Variants in HDAC9 observed in about 807,000 individuals in gnomAD.
HDAC9 encodes MEF-2 interacting transcription repressor (MITR) protein.
A neutral mutation model predicts 139.4 loss-of-function variants in HDAC9; 41 were observed. The observed-to-expected ratio is 0.29, with a 90% CI of 0.23 to 0.38. HDAC9 has a LOEUF of 0.38. Ranked by LOEUF, HDAC9 falls within the 10% of genes least tolerant of loss-of-function variation. The pLI is 1.00. For missense variants in HDAC9, 1,147 were observed against 1,297.0 expected (o/e 0.88, Z 1.78); for synonymous variants, 517 against 476.2 (o/e 1.09, Z -1.12).
In HDAC9 at chr7:18,639,629, A is replaced by G. The variant is rs1035203070; in HGVS notation, c.912+4887A>G. Among the ~76,000 whole-genome samples the G allele has an allele frequency of 2.6e-5, 4 of 152,210 alleles. No individual in the cohort carries two copies. In the South Asian group the frequency reaches 8.3e-4, roughly 32 times the overall value. ...TATGAGCTATCTGAAAGAAGAGTAG[A>G]AAATAAATACAATCTTGAAAAATCC... On this transcript the variant is annotated intron_variant, in intron 8 of 25. Transcript: ENST00000686413.
chr7:18,815,436 A>T (rs1216489486), intron 17 of HDAC9, among the ~76,000 whole-genome samples: 2 of 152,222 alleles, frequency 1.3e-5, no homozygotes, highest in South Asian at 2.1e-4. Flanking sequence ...CCCCCGTCAC[A>T]ACAAGACTTT....
chr7:18,762,049 C>T, intron 14 of HDAC9, 108 bp from the exon 15 acceptor site: 1 of 1,168,012 alleles, frequency 8.6e-7, no homozygotes. Context: ...CACATTCCTA[C>T]ATGATGAAAT....
chr7:18,391,307 C>T (rs1427507128), intron 1 of HDAC9, among the ~76,000 whole-genome samples: 1 of 152,054 alleles, frequency 6.6e-6, no homozygotes, highest in Non-Finnish European at 1.5e-5. Context: ...ATCACTGGAA[C>T]CCGGAAGGCA....
At chr7:18,803,380 CT>C (rs1300257934) in intron 17 of HDAC9, among the ~76,000 whole-genome samples, 6 of 152,252 alleles carry the variant, frequency 3.9e-5, no homozygotes, top group African/African-American at 1.4e-4. Flanking sequence ...TCTATACTTG[CT>C]CGCTATTTAC....
At chr7:18,590,230 C>G (rs1185714805) in intron 3 of HDAC9, 106 bp from the exon 4 acceptor site, 2 of 1,181,150 alleles carry the variant, frequency 1.7e-6, no homozygotes, top group African/African-American at 1.5e-5. Flanking sequence ...CAAATATGAA[C>G]TAAATACAAA....
chr7:18,378,010 A>T (rs967297892), intron 1 of HDAC9, among the ~76,000 whole-genome samples: 6 of 152,306 alleles, frequency 3.9e-5, no homozygotes, highest in African/African-American at 1.4e-4. Context: ...GATGCAAGAA[A>T]ATGAGTAAAC....
At chr7:18,573,285 T>C (rs1824901737) in intron 2 of HDAC9, among the ~76,000 whole-genome samples, 1 of 152,276 alleles carries the variant, frequency 6.6e-6, no homozygotes, top group Non-Finnish European at 1.5e-5. Context: ...ATTCTTTTCA[T>C]GTTTGATAAT....
intron 13 of HDAC9, among the ~76,000 whole-genome samples, chr7:18,732,336 T>G (rs1009093669): frequency 1.3e-5 from 2 of 152,172 alleles, no homozygotes; most frequent in African/African-American, 2.4e-5. Flanking sequence ...TTTATACTTA[T>G]TTTTCAATCA....
intron 2 of HDAC9, among the ~76,000 whole-genome samples, chr7:18,549,837 G>C (rs1254600235): frequency 1.3e-5 from 2 of 151,456 alleles, no homozygotes; most frequent in African/African-American, 4.8e-5. Flanking sequence ...TTATTTTGAA[G>C]TAAATTGGGA....
intron 12 of HDAC9, among the ~76,000 whole-genome samples, chr7:18,703,745 A>C (rs1161811985): frequency 6.6e-6 from 1 of 151,170 alleles, no homozygotes; most frequent in African/African-American, 2.4e-5. Flanking sequence ...CTCTCCTTCC[A>C]GAAATAACCC....
At chr7:18,179,622 C>T (rs562260767) in intron 2 of HDAC9, among the ~76,000 whole-genome samples, 13 of 152,228 alleles carry the variant, frequency 8.5e-5, no homozygotes, top group Middle Eastern at 3.4e-3. Flanking sequence ...TAAACCCAAA[C>T]GTCTTTTCTT....
At chr7:18,805,252 C>G (rs1024261426) in intron 17 of HDAC9, among the ~76,000 whole-genome samples, 7 of 152,184 alleles carry the variant, frequency 4.6e-5, no homozygotes, top group African/African-American at 7.2e-5. Context: ...GCTTTTCAGT[C>G]TTTAACTTGT....
chr7:18,122,373 C>T (rs1784412055), intron 1 of HDAC9, among the ~76,000 whole-genome samples: 1 of 152,130 alleles, frequency 6.6e-6, no homozygotes, highest in Admixed American at 6.6e-5. Flanking sequence ...GGGTTTCAGA[C>T]ACAGCGCTGG....
chr7:18,713,765 G>C (rs1169439870), intron 12 of HDAC9, among the ~76,000 whole-genome samples: 1 of 152,110 alleles, frequency 6.6e-6, no homozygotes, highest in Non-Finnish European at 1.5e-5. Context: ...TTAATGAAGT[G>C]GTTAAAGACT....
chr7:18,731,322 C>G (rs56386980), intron 13 of HDAC9, among the ~76,000 whole-genome samples: 2 of 152,164 alleles, frequency 1.3e-5, no homozygotes, highest in Non-Finnish European at 2.9e-5. Flanking sequence ...GTAGCGGACA[C>G]AGACACATTA....
intron 6 of HDAC9, among the ~76,000 whole-genome samples, chr7:18,602,399 C>G (rs1023791720): frequency 1.2e-4 from 18 of 151,628 alleles, no homozygotes; most frequent in Non-Finnish European, 2.2e-4. Context: ...TTCAAAGGAC[C>G]AGTTTTTTGT....
At position 18,688,042 on chromosome 7, in the gene HDAC9, A is replaced by T. The variant is rs377205243; in HGVS notation, c.1731+21566A>T. ...CATGGAAACTCCACAAACAGCCCAT[A>T]TAACCTGAAAATTGAGCAAAATGAC... On this transcript the variant is annotated intron_variant, in intron 12 of 25. Transcript: ENST00000686413. Among the ~76,000 whole-genome samples, 104 of 151,938 alleles carry T rather than the reference A, an allele frequency of 6.8e-4. 1 individual carries two copies. The East Asian group carries it at 0.015, about 22-fold the overall frequency.
intron 14 of HDAC9, among the ~76,000 whole-genome samples, chr7:18,757,585 TA>T (rs2129153080): frequency 1.3e-5 from 2 of 152,316 alleles, no homozygotes; most frequent in South Asian, 4.1e-4. Flanking sequence ...TATTATATTT[TA>T]CAAAAGGTTC....
intron 2 of HDAC9, among the ~76,000 whole-genome samples, chr7:18,572,746 G>A (rs533067108): frequency 2.0e-5 from 3 of 152,014 alleles, no homozygotes; most frequent in African/African-American, 7.2e-5. Flanking sequence ...TAGGTTCTTA[G>A]CTTCTATTAC....
Sources: gnomAD v4.1 joint callset for allele counts (sites outside exome capture counted in the v4.1 genomes callset) on GRCh38, gnomAD v4.1.1 for gene constraint, MANE v1.5 for transcripts, NCBI Gene and HGNC (gene_info 2026-07-23, HGNC 2026-07-21) for gene names.